The following RBFOX3 variants were observed in gnomAD, a reference collection of about 807,000 sequenced individuals.
RBFOX3 encodes RNA binding fox-1 homolog 3.
Under a neutral mutation model 48.7 loss-of-function variants are expected in RBFOX3, and 17 were observed. That is an observed-to-expected ratio of 0.35 (90% confidence interval 0.24 to 0.52). The LOEUF is 0.52. Among genes scored for constraint, RBFOX3 ranks in the 20% least tolerant of loss-of-function variants. RBFOX3 has a pLI of 0.94. For missense variants in RBFOX3, 382 were observed against 497.5 expected (o/e 0.77, Z 2.21); for synonymous variants, 212 against 209.5 (o/e 1.01, Z -0.10).
At chr17:79,331,954 C>A (rs570232460) in intron 2 of RBFOX3, among the ~76,000 whole-genome samples, 2 of 152,366 alleles carry the variant, frequency 1.3e-5, no homozygotes, top group East Asian at 3.9e-4. Flanking sequence ...GTGCACCCCA[C>A]GATGACAGTC....
At chr17:79,131,631 A>T (rs2038936400) in intron 4 of RBFOX3, among the ~76,000 whole-genome samples, 1 of 152,230 alleles carries the variant, frequency 6.6e-6, no homozygotes, top group East Asian at 1.9e-4. Context: ...TTCTTTTGGT[A>T]ACTGTATCTC....
chr17:79,166,980 GGCCCAGA>G (rs1415113712), intron 4 of RBFOX3, among the ~76,000 whole-genome samples: 2 of 152,146 alleles, frequency 1.3e-5, no homozygotes, highest in African/African-American at 4.8e-5. Context: ...TGCCTCCGGG[GGCCCAGA>G]GACAGCCTCA....
In RBFOX3 at chr17:79,477,207, T is replaced by C. The variant is rs2149437249; in HGVS notation, c.-175+5247A>G. 7.2e-6 allele frequency among the ~76,000 whole-genome samples: 1 copy of C among 139,606 alleles called. No individual in the cohort carries two copies. Among genetic ancestry groups the C allele is most frequent in the African/African-American group, 2.7e-5 (1 of 36,716 alleles). The allele number at this position is 139,606 out of a possible 152,430, so 91.6% of individuals were successfully genotyped here. ...GAGATCGCGCCACTGCACTCCAGCC[T>C]GGGTGAAAGAGCAAGGCTCCGTTTC... On this transcript the variant is annotated intron_variant, in intron 2 of 14. Transcript: ENST00000693108. This position sits in a 1 kb window ranked among gnomAD's most constrained non-coding sequence, Gnocchi z 4.8.
At chr17:79,163,748 G>A (rs1159383628) in intron 4 of RBFOX3, among the ~76,000 whole-genome samples, 1 of 152,014 alleles carries the variant, frequency 6.6e-6, no homozygotes, top group Non-Finnish European at 1.5e-5. Context: ...CCAACAGGGT[G>A]CCCCACCTCC....
rs201526851 is a variant in RBFOX3 at position 79,214,974 on chromosome 17, AC to A, written c.-34+20791del. Among the ~76,000 whole-genome samples the A allele has an allele frequency of 0.017, 2,513 of 152,064 alleles. 33 individuals carry two copies. Among genetic ancestry groups the A allele is most frequent in the Non-Finnish European group, 0.026 (1,783 of 67,962 alleles). ...CCTGGTGCCGGTCAATTATGAAGCC[AC>A]CCGCTGGTGCTGCCCCCACACCCGT... On this transcript the variant is annotated intron_variant, in intron 4 of 14. Coordinates refer to ENST00000693108, the MANE Select transcript of RBFOX3 (RefSeq NM_001350451.2). The surrounding 1 kb of genome is among the most constrained non-coding windows in gnomAD (Gnocchi z 4.7).
intron 2 of RBFOX3, among the ~76,000 whole-genome samples, chr17:79,389,762 T>C (rs559476400): frequency 1.3e-5 from 2 of 152,314 alleles, no homozygotes; most frequent in Admixed American, 6.5e-5. Context: ...GAACCAGTGC[T>C]CAGTGGTTCA....
rs181675220 is a variant in RBFOX3 at position 79,248,371 on chromosome 17, T to C, written c.-73-12566A>G. Among the ~76,000 whole-genome samples the C allele has an allele frequency of 1.8e-4, 28 of 152,162 alleles. 1 individual carries two copies. In the East Asian group the frequency reaches 4.7e-3, roughly 25 times the overall value. ...CCTCAGCCTCCCGAGTAGCTGGGAC[T>C]ACAGGCGCCCGTCAAGGGCTGGTGG... On this transcript the variant is annotated intron_variant, in intron 3 of 14. Coordinates refer to ENST00000693108, the MANE Select transcript of RBFOX3 (RefSeq NM_001350451.2).
the RBFOX3 span, among the ~76,000 whole-genome samples, chr17:79,621,904 G>C: frequency 6.6e-6 from 1 of 151,958 alleles, no homozygotes; most frequent in Non-Finnish European, 1.5e-5. Context: ...TCATGACACC[G>C]CTTAAGAGAC....
intron 4 of RBFOX3, among the ~76,000 whole-genome samples, chr17:79,190,841 G>A (rs1048012186): frequency 1.3e-5 from 2 of 152,244 alleles, no homozygotes; most frequent in African/African-American, 4.8e-5. Flanking sequence ...CATAAAGGGA[G>A]GGGGCTGAGT....
intron 1 of RBFOX3, among the ~76,000 whole-genome samples, chr17:79,548,433 T>C (rs1173271809): frequency 6.6e-6 from 1 of 152,058 alleles, no homozygotes; most frequent in African/African-American, 2.4e-5. Flanking sequence ...GCCCCCATCT[T>C]CTCCAAAGGG....
chr17:79,640,215 T>C, the RBFOX3 span, among the ~76,000 whole-genome samples: 16 of 152,130 alleles, frequency 1.1e-4, no homozygotes, highest in Non-Finnish European at 2.1e-4. Flanking sequence ...CCATTCACAA[T>C]AGCAACAAAA....
At chr17:79,356,366 T>TG (rs1568100999) in intron 2 of RBFOX3, among the ~76,000 whole-genome samples, 11 of 105,974 alleles carry the variant, frequency 1.0e-4, no homozygotes, top group Admixed American at 1.9e-4. Flanking sequence ...TTTTTTTTTT[T>TG]TTTTTTTTTT....
chr17:79,471,860 G>A lies in RBFOX3; in HGVS notation c.-175+10594C>T, dbSNP rs557739870. Among the ~76,000 whole-genome samples, 2 of 152,276 alleles carry A rather than the reference G, an allele frequency of 1.3e-5. No homozygotes were observed. The highest frequency in any genetic ancestry group is 4.1e-4 in the South Asian group (2 of 4,824). On this transcript the variant is annotated intron_variant, in intron 2 of 14. Coordinates refer to ENST00000693108, the MANE Select transcript of RBFOX3 (RefSeq NM_001350451.2). The surrounding 1 kb of genome is among the most constrained non-coding windows in gnomAD (Gnocchi z 4.0). ...CCCACCGTTCTCCAGGGTCGAGGGAGAACACTTCAAGAGAGGCGACTAAAT... is the reference window on the plus strand; with the variant it reads ...CCCACCGTTCTCCAGGGTCGAGGGAAAACACTTCAAGAGAGGCGACTAAAT...
intron 2 of RBFOX3, among the ~76,000 whole-genome samples, chr17:79,428,827 T>C (rs2067880147): frequency 6.6e-6 from 1 of 152,112 alleles, no homozygotes; most frequent in African/African-American, 2.4e-5. Context: ...TAACCATCGG[T>C]CTAATTTCTG....
At chr17:79,159,919 C>T (rs1568252253) in intron 4 of RBFOX3, among the ~76,000 whole-genome samples, 1 of 152,174 alleles carries the variant, frequency 6.6e-6, no homozygotes, top group African/African-American at 2.4e-5. Flanking sequence ...GCGTGTCCGC[C>T]GAGTGTTCCA....
intron 1 of RBFOX3, among the ~76,000 whole-genome samples, chr17:79,520,726 G>A (rs1256923226): frequency 6.6e-6 from 1 of 152,236 alleles, no homozygotes; most frequent in Non-Finnish European, 1.5e-5. Flanking sequence ...GCACAAGGGT[G>A]GGGTTCGTGT....
intron 2 of RBFOX3, among the ~76,000 whole-genome samples, chr17:79,411,955 T>C (rs2148593317): frequency 6.6e-6 from 1 of 152,148 alleles, no homozygotes; most frequent in African/African-American, 2.4e-5. Context: ...TGTATGCACG[T>C]GTGTATATAT....
rs11307023 is a variant in RBFOX3 at position 79,283,265 on chromosome 17, CTTTTTTTTT to C, written c.-74+24450_-74+24458del. ...AAGGTAATATTCCTATGTTCCTTTT[CTTTTTTTTT>C]TTTTTTTTTTTGAGATGGGAGTCTT... On this transcript the variant is annotated intron_variant, in intron 3 of 14. Coordinates refer to ENST00000693108, the MANE Select transcript of RBFOX3 (RefSeq NM_001350451.2). Among the ~76,000 whole-genome samples, 30 of 114,586 alleles carry C rather than the reference CTTTTTTTTT, an allele frequency of 2.6e-4. 1 individual carries two copies. Among genetic ancestry groups the C allele is most frequent in the African/African-American group, 9.2e-4 (28 of 30,470 alleles). 75.2% of individuals were successfully genotyped at this position (114,586 alleles called of 152,430 possible). A position where few individuals can be genotyped will look rare whatever the true frequency, so the allele number is the denominator to read the frequency against.
At chr17:79,374,060 G>A (rs1244334778) in intron 2 of RBFOX3, among the ~76,000 whole-genome samples, 2 of 152,052 alleles carry the variant, frequency 1.3e-5, no homozygotes, top group African/African-American at 4.8e-5. Context: ...ACGGGGTTTC[G>A]CCATGTTGGC....
Sources: allele counts gnomAD v4.1 joint callset (sites outside exome capture counted in the v4.1 genomes callset), GRCh38; gene constraint gnomAD v4.1.1; non-coding constraint Gnocchi (gnomAD v3.1); transcripts MANE v1.5; gene names NCBI Gene and HGNC (gene_info 2026-07-23, HGNC 2026-07-21).